Variants in RNF24 observed in about 807,000 individuals in gnomAD.
RNF24 encodes the protein ring finger protein 24.
In RNF24, 14 loss-of-function variants were observed where a neutral mutation model predicts 20.0. The ratio of observed to expected loss-of-function variants is 0.70; its 90% CI spans 0.46 to 1.10. RNF24 has a LOEUF of 1.10. Ranked by LOEUF, RNF24 falls within the 50% of genes least tolerant of loss-of-function variation. The probability of loss-of-function intolerance (pLI) is 0.00; values close to 1 mark genes in which losing one functional copy is unlikely to be tolerated. For missense variants in RNF24, 124 were observed against 177.6 expected, an observed-to-expected ratio of 0.70 and a Z score of 1.71; for synonymous variants, 45 against 61.1, an observed-to-expected ratio of 0.74 and a Z score of 1.23.
chr20:3,972,831 C>A lies in RNF24; in HGVS notation c.-7-8807G>T, dbSNP rs147723719. On this transcript the variant is annotated intron_variant, in intron 1 of 5. Coordinates refer to ENST00000358395, the MANE Select transcript of RNF24 (RefSeq NM_001134337.3). The stretch of plus-strand genomic sequence containing the variant: ...GGCACGAGGATCGCTTGAATCCTGG[C>A]GGCGGAGATTGCAGTGAGCCGAGAT... Among the ~76,000 whole-genome samples, 1,188 of 151,726 alleles carry A rather than the reference C, an allele frequency of 7.8e-3. 5 individuals carry two copies. The highest frequency in any genetic ancestry group is 0.02 in the Middle Eastern group (6 of 294).
chr20:3,999,087 A>C (rs1056024013), intron 1 of RNF24, among the ~76,000 whole-genome samples: 1 of 152,212 alleles, frequency 6.6e-6, no homozygotes, highest in Non-Finnish European at 1.5e-5. Flanking sequence ...CTCAAAAAAC[A>C]AAACAAAACA....
intron 1 of RNF24, among the ~76,000 whole-genome samples, chr20:4,005,513 G>GCCTACACCTT (rs1981791727): frequency 6.6e-6 from 1 of 152,122 alleles, no homozygotes; most frequent in African/African-American, 2.4e-5. Flanking sequence ...ATGAATGAAA[G>GCCTACACCTT]CCTACACCTT....
At position 3,935,162 on chromosome 20, in the gene RNF24, G is replaced by A. The variant is rs565757698; in HGVS notation, c.229-89C>T. 2.3e-4 allele frequency: 226 copies of A among 972,272 alleles called. 4 individuals are homozygous for A. In the South Asian group the frequency reaches 2.5e-3, roughly 11 times the overall value. The allele number at this position is 972,272 out of a possible 1,614,324, so 60.2% of individuals were successfully genotyped here. ...AGTGCAGGCTCCTAAAGGCTCAACCGTTTGAAGGGACTCATGAGACTCTTA... is the reference window on the plus strand; with the variant it reads ...AGTGCAGGCTCCTAAAGGCTCAACCATTTGAAGGGACTCATGAGACTCTTA... On this transcript the variant is annotated intron_variant, in intron 4 of 5. Transcript: ENST00000358395.
At chr20:4,006,380 A>G (rs1193451737) in intron 1 of RNF24, among the ~76,000 whole-genome samples, 2 of 152,126 alleles carry the variant, frequency 1.3e-5, no homozygotes, top group East Asian at 3.8e-4. Flanking sequence ...AAAAAAAAAA[A>G]AAGTCTATGG....
chr20:3,975,817 GAA>G (rs1220289335), intron 1 of RNF24, among the ~76,000 whole-genome samples: 1 of 152,070 alleles, frequency 6.6e-6, no homozygotes, highest in African/African-American at 2.4e-5. Context: ...GCTGTCATCA[GAA>G]GAGAGGCATG....
At chr20:4,007,566 A>C (rs1490244618) in intron 1 of RNF24, among the ~76,000 whole-genome samples, 1 of 152,100 alleles carries the variant, frequency 6.6e-6, no homozygotes, top group East Asian at 1.9e-4. Context: ...AAATAAACAA[A>C]GAACAGGACT....
intron 1 of RNF24, among the ~76,000 whole-genome samples, chr20:4,014,784 G>A (rs1014389395): frequency 1.4e-5 from 2 of 140,818 alleles, no homozygotes; most frequent in Non-Finnish European, 3.1e-5. Flanking sequence ...CACATCATTA[G>A]GTCTCCAGAA....
chr20:3,990,808 C>T (rs1479805725), intron 1 of RNF24, among the ~76,000 whole-genome samples: 2 of 151,792 alleles, frequency 1.3e-5, no homozygotes, highest in Non-Finnish European at 2.9e-5. Flanking sequence ...ACCCAAGGTT[C>T]GAGACTACAG....
chr20:3,965,074 C>T (rs542763539), intron 1 of RNF24, among the ~76,000 whole-genome samples: 34 of 152,202 alleles, frequency 2.2e-4, no homozygotes, highest in African/African-American at 5.3e-4. Context: ...TAAAATTCCA[C>T]AGATAAAGGA....
chr20:3,996,720 A>G (rs1435265019), intron 1 of RNF24, among the ~76,000 whole-genome samples: 2 of 152,232 alleles, frequency 1.3e-5, no homozygotes, highest in East Asian at 1.9e-4. Flanking sequence ...CATGCTTAAC[A>G]GAATACTGAC....
intron 1 of RNF24, among the ~76,000 whole-genome samples, chr20:4,006,332 G>A (rs1169628489): frequency 6.6e-6 from 1 of 151,310 alleles, no homozygotes; most frequent in African/African-American, 2.4e-5. Context: ...GAGCACCACT[G>A]CACTCCAGCC....
chr20:3,940,185 TG>T (rs908997869), intron 4 of RNF24, among the ~76,000 whole-genome samples: 7 of 152,166 alleles, frequency 4.6e-5, no homozygotes, highest in Non-Finnish European at 8.8e-5. Flanking sequence ...CTTGAACTCC[TG>T]GGCTCACGCA....
At chr20:3,974,703 G>C (rs559656756) in intron 1 of RNF24, among the ~76,000 whole-genome samples, 24 of 152,148 alleles carry the variant, frequency 1.6e-4, no homozygotes, top group Non-Finnish European at 2.4e-4. Flanking sequence ...TAAGACATTA[G>C]ATATGTACAG....
In RNF24 at chr20:3,947,137, T is replaced by C. The variant is rs369203728; in HGVS notation, c.186+1100A>G. 6.6e-5 allele frequency among the ~76,000 whole-genome samples: 10 copies of C among 152,260 alleles called. No homozygotes were observed. In the East Asian group the frequency reaches 1.4e-3, roughly 21 times the overall value. ...TGAACCCGGGAGGCGGAGGTTGCAT[T>C]GAGCTGAGATCTTGCCATTGCACTC... On this transcript the variant is annotated intron_variant, in intron 3 of 5. Coordinates refer to ENST00000358395, the MANE Select transcript of RNF24 (RefSeq NM_001134337.3).
rs2090765751 is a variant in RNF24, at chr20:3,928,673, G to C, written c.*5390C>G. 1 of 145,224 alleles carries C rather than the reference G, an allele frequency of 6.9e-6. No homozygotes were observed. Among genetic ancestry groups the C allele is most frequent in the Non-Finnish European group, 1.5e-5 (1 of 66,776 alleles). 9.0% of individuals were successfully genotyped at this position (145,224 alleles called of 1,614,324 possible). A position where few individuals can be genotyped will look rare whatever the true frequency, so the allele number is the denominator to read the frequency against. On this transcript the variant is annotated 3_prime_UTR_variant, in exon 6 of 6. Transcript: ENST00000358395. ...CGAGGCGGGAGAATGGCGTGAACCT[G>C]GGAGGCGGAGCTTGCAGTGGGCCAA...
chr20:3,950,098 G>A (rs1242762147), intron 2 of RNF24, among the ~76,000 whole-genome samples: 4 of 151,998 alleles, frequency 2.6e-5, no homozygotes, highest in Non-Finnish European at 4.4e-5. Flanking sequence ...TGAATATGTC[G>A]GTCTATTTCT....
rs542297521 is a variant in RNF24, at chr20:3,995,304, A to G, written c.-8+20133T>C. ...TGGGGTTAGGAATCATTTGGGCCTG[A>G]GCCACATCTCCCTGGGCCACTCTGG... On this transcript the variant is annotated intron_variant, in intron 1 of 5. Coordinates refer to ENST00000358395, the MANE Select transcript of RNF24 (RefSeq NM_001134337.3). Among the ~76,000 whole-genome samples, 53 of 152,260 alleles carry G rather than the reference A, an allele frequency of 3.5e-4. 1 individual carries two copies. The South Asian group carries it at 0.011, about 32-fold the overall frequency.
intron 1 of RNF24, among the ~76,000 whole-genome samples, chr20:4,012,835 T>C (rs1464862256): frequency 3.3e-5 from 5 of 152,232 alleles, no homozygotes; most frequent in South Asian, 2.1e-4. Context: ...ATTGCGATAC[T>C]GTGCAAGCTT....
chr20:3,948,645 G>GA (rs60188744), intron 2 of RNF24, among the ~76,000 whole-genome samples: 17,660 of 151,982 alleles, frequency 0.12, 1,366 homozygotes, highest in Non-Finnish European at 0.17. Context: ...TACATACCAG[G>GA]ATAACTGTTG....
Sources: gnomAD v4.1 joint callset for allele counts (sites outside exome capture counted in the v4.1 genomes callset) on GRCh38, gnomAD v4.1.1 for gene constraint, MANE v1.5 for transcripts, NCBI Gene and HGNC (gene_info 2026-07-23, HGNC 2026-07-21) for gene names.